CXADR: variants seen among roughly 807,000 people sequenced by gnomAD.
The protein encoded by CXADR is CXADR cell adhesion molecule.
CXADR carries 20 observed loss-of-function variants against 40.3 expected under a neutral mutation model. The ratio of observed to expected loss-of-function variants is 0.50; its 90% CI spans 0.35 to 0.72. The LOEUF is 0.72. Among genes scored for constraint, CXADR ranks in the 30% least tolerant of loss-of-function variants. The probability of loss-of-function intolerance (pLI) is 0.01; values close to 1 mark genes in which losing one functional copy is unlikely to be tolerated. For missense variants in CXADR, 332 were observed against 449.1 expected, an observed-to-expected ratio of 0.74 and a Z score of 2.36; for synonymous variants, 150 against 161.3, an observed-to-expected ratio of 0.93 and a Z score of 0.53.
At chr21:17,578,518 A>C (rs1253661659) in intron 7 of CXADR, among the ~76,000 whole-genome samples, 1 of 152,242 alleles carries the variant, frequency 6.6e-6, no homozygotes, top group East Asian at 1.9e-4. Context: ...TTGGGTCAAC[A>C]CTTAGAACAG....
intron 1 of CXADR, among the ~76,000 whole-genome samples, chr21:17,538,310 T>TC (rs1357464846): frequency 6.6e-6 from 1 of 152,146 alleles, no homozygotes; most frequent in Non-Finnish European, 1.5e-5. Flanking sequence ...AGAGGAGGTA[T>TC]CTTACACTGT....
At chr21:17,531,013 G>A (rs2060667136) in intron 1 of CXADR, among the ~76,000 whole-genome samples, 1 of 151,970 alleles carries the variant, frequency 6.6e-6, no homozygotes, top group Non-Finnish European at 1.5e-5. Context: ...GAAAGTTCCA[G>A]TTGCGGTCAG....
intron 3 of CXADR, among the ~76,000 whole-genome samples, chr21:17,555,585 G>A (rs1156309855): frequency 6.6e-6 from 1 of 152,006 alleles, no homozygotes. Context: ...TGTCCTTTTT[G>A]TACTAGGATT....
intron 1 of CXADR, among the ~76,000 whole-genome samples, chr21:17,524,964 A>C (rs891584377): frequency 6.6e-6 from 1 of 152,128 alleles, no homozygotes; most frequent in African/African-American, 2.4e-5. Flanking sequence ...AGTTGACTCA[A>C]GTTTTTGTAG....
At chr21:17,615,162 T>C in the CXADR span, among the ~76,000 whole-genome samples, 1 of 152,110 alleles carries the variant, frequency 6.6e-6, no homozygotes, top group Non-Finnish European at 1.5e-5. Context: ...AGTGGAAACA[T>C]GAGAGAGATG....
chr21:17,539,475 A>T (rs906609001), intron 1 of CXADR, among the ~76,000 whole-genome samples: 1 of 152,166 alleles, frequency 6.6e-6, no homozygotes. Flanking sequence ...TGCCTTTATG[A>T]TCTTTCACTT....
intron 3 of CXADR, among the ~76,000 whole-genome samples, chr21:17,554,823 C>A (rs200719153): frequency 1.4e-5 from 2 of 138,434 alleles, no homozygotes; most frequent in Non-Finnish European, 2.9e-5. Flanking sequence ...ATTTGATTGA[C>A]TGATAGTGGC....
chr21:17,566,698 A>G lies in CXADR; in HGVS notation c.*1006A>G, dbSNP rs2123335362. 1.0e-6 allele frequency: 1 copy of G among 979,694 alleles called. No individual in the cohort carries two copies. The highest frequency in any genetic ancestry group is 4.7e-5 in the South Asian group (1 of 21,182). 60.7% of individuals were successfully genotyped at this position (979,694 alleles called of 1,614,324 possible). On this transcript the variant is annotated 3_prime_UTR_variant, in exon 7 of 7. Coordinates refer to ENST00000284878, the MANE Select transcript of CXADR (RefSeq NM_001338.5). ...GTTTTTGGATGGTGTTACATATTAT[A>G]TGTTCTAGAAACATGTAATCCTAAA...
At position 17,570,072 on chromosome 21, in the gene CXADR, T is replaced by C; in HGVS notation, c.*4380T>C. 5 of 985,456 alleles carry C rather than the reference T, an allele frequency of 5.1e-6. No individual in the cohort carries two copies. The highest frequency in any genetic ancestry group is 6.0e-6 in the Non-Finnish European group (5 of 829,934). 61.0% of individuals were successfully genotyped at this position (985,456 alleles called of 1,614,324 possible). ...CTTGCTCTAGTTTTGTGACCTTGTG[T>C]ACTTTTGAAATAAAATCAAGAAAGC... On this transcript the variant is annotated 3_prime_UTR_variant, in exon 7 of 7. Transcript: ENST00000284878.
intron 2 of CXADR, among the ~76,000 whole-genome samples, chr21:17,550,081 G>A (rs1489420271): frequency 2.6e-5 from 4 of 152,206 alleles, no homozygotes; most frequent in Admixed American, 6.5e-5. Context: ...ATCTAGCTGG[G>A]CACGGTAGCT....
intron 7 of CXADR, among the ~76,000 whole-genome samples, chr21:17,575,543 T>G (rs2737880): frequency 0.87 from 129,685 of 149,172 alleles, 56,455 homozygotes; most frequent in South Asian, 0.92. Flanking sequence ...CAGGCTGGAG[T>G]GCAGTGGCAC....
chr21:17,530,570 TC>T, intron 1 of CXADR: 1 of 314,098 alleles, frequency 3.2e-6, no homozygotes, highest in South Asian at 2.5e-5. Context: ...TCCCAGCACT[TC>T]GAGAGGCCAA....
At chr21:17,541,817 G>A (rs1243734581) in intron 1 of CXADR, among the ~76,000 whole-genome samples, 2 of 152,056 alleles carry the variant, frequency 1.3e-5, no homozygotes, top group Non-Finnish European at 2.9e-5. Context: ...TAATCAGGAG[G>A]TACATAATGT....
chr21:17,571,662 G>A (rs1254096098), downstream of CXADR, among the ~76,000 whole-genome samples: 5 of 152,120 alleles, frequency 3.3e-5, no homozygotes, highest in African/African-American at 7.2e-5. Flanking sequence ...TTTTTCTGCC[G>A]GTATTTCCAA....
chr21:17,524,028 T>G (rs1027916493), intron 1 of CXADR, among the ~76,000 whole-genome samples: 6 of 148,682 alleles, frequency 4.0e-5, no homozygotes, highest in African/African-American at 1.3e-4. Flanking sequence ...CCAGGCGATT[T>G]TGTGTGTGTG....
intron 1 of CXADR, among the ~76,000 whole-genome samples, chr21:17,545,783 T>TG (rs1569108213): frequency 3.6e-5 from 1 of 27,466 alleles, no homozygotes; most frequent in African/African-American, 5.6e-5. Flanking sequence ...TTTTTTTTGT[T>TG]TTTTTTTTTT....
intron 2 of CXADR, 113 bp from the exon 3 acceptor site, chr21:17,551,636 C>G: frequency 1.2e-6 from 1 of 834,872 alleles, no homozygotes; most frequent in Non-Finnish European, 1.9e-6. Flanking sequence ...TCTTCTTTTT[C>G]TTTTCTGGGA....
intron 1 of CXADR, among the ~76,000 whole-genome samples, chr21:17,544,383 G>A (rs1172057095): frequency 1.3e-5 from 2 of 152,170 alleles, no homozygotes; most frequent in Non-Finnish European, 2.9e-5. Flanking sequence ...AGTGGGTTTG[G>A]ATGATGTCTG....
chr21:17,552,299 A>G (rs1174483538), intron 3 of CXADR, among the ~76,000 whole-genome samples: 1 of 152,200 alleles, frequency 6.6e-6, no homozygotes, highest in Non-Finnish European at 1.5e-5. Context: ...CCATGTTTCT[A>G]TGATGAATAA....
Sources: allele counts gnomAD v4.1 joint callset (sites outside exome capture counted in the v4.1 genomes callset), GRCh38; gene constraint gnomAD v4.1.1; transcripts MANE v1.5; gene names NCBI Gene and HGNC (gene_info 2026-07-23, HGNC 2026-07-21).